The following ZNF365 variants were observed in gnomAD, a reference collection of about 807,000 sequenced individuals.
The protein encoded by ZNF365 is zinc finger protein 365.
Under a neutral mutation model 35.0 loss-of-function variants are expected in ZNF365, and 22 were observed. That is an observed-to-expected ratio of 0.63 (90% CI 0.45 to 0.90). The LOEUF (loss-of-function observed/expected upper bound fraction) is 0.90, where lower values mean the gene tolerates loss of function less well. Ranked by LOEUF, ZNF365 falls within the 40% of genes least tolerant of loss-of-function variation. The pLI, the probability that ZNF365 is intolerant of heterozygous loss-of-function variation, is 0.00. For missense variants in ZNF365, 448 were observed against 500.3 expected (o/e 0.90, Z 1.00); for synonymous variants, 188 against 196.2 (o/e 0.96, Z 0.35).
rs1045275143 is a variant in ZNF365, at chr10:62,392,288, G to T, written c.924+3712G>T. 3.3e-5 allele frequency among the ~76,000 whole-genome samples: 5 copies of T among 152,068 alleles called. No homozygotes were observed. In the East Asian group the frequency reaches 9.6e-4, roughly 29 times the overall value. ...TTTGTTTTTGTTGCATTTGCTTTTG[G>T]GTTCTTGGTCATGAAGTCTTTGCCT... is the stretch of plus-strand genomic sequence containing the variant. On this transcript the variant is annotated intron_variant, in intron 3 of 4. Transcript: ENST00000395254.
At chr10:62,420,082 A>G (rs1294672761) in intron 3 of ZNF365, among the ~76,000 whole-genome samples, 1 of 152,170 alleles carries the variant, frequency 6.6e-6, no homozygotes, top group African/African-American at 2.4e-5. Context: ...TTATTTTATA[A>G]CATTAAATAA....
At chr10:62,450,822 C>T (rs1840671218) in intron 3 of ZNF365, among the ~76,000 whole-genome samples, 3 of 152,200 alleles carry the variant, frequency 2.0e-5, no homozygotes, top group African/African-American at 7.2e-5. Context: ...TTAACATTTC[C>T]TGGATATTGT....
At chr10:62,464,254 T>A (rs1044465667) in intron 4 of ZNF365, among the ~76,000 whole-genome samples, 1 of 152,226 alleles carries the variant, frequency 6.6e-6, no homozygotes, top group East Asian at 1.9e-4. Context: ...ATTGTAAATA[T>A]GATTTTTCTC....
At chr10:62,409,554 G>A (rs1455178969) in intron 3 of ZNF365, among the ~76,000 whole-genome samples, 2 of 152,116 alleles carry the variant, frequency 1.3e-5, no homozygotes, top group Non-Finnish European at 2.9e-5. Flanking sequence ...GGGCTGTAAT[G>A]AAGTGGTCAT....
At chr10:62,378,220 C>T (rs1464116872) in intron 2 of ZNF365, among the ~76,000 whole-genome samples, 1 of 152,078 alleles carries the variant, frequency 6.6e-6, no homozygotes. Flanking sequence ...CAGAGTGACC[C>T]GCACTGTGCT....
At chr10:62,395,941 A>C (rs1839719731) in intron 3 of ZNF365, among the ~76,000 whole-genome samples, 1 of 152,174 alleles carries the variant, frequency 6.6e-6, no homozygotes. Context: ...TTTGATCCTC[A>C]TCTTAACATC....
At chr10:62,398,074 G>A (rs939380367) in intron 3 of ZNF365, among the ~76,000 whole-genome samples, 10 of 152,112 alleles carry the variant, frequency 6.6e-5, no homozygotes, top group African/African-American at 2.2e-4. Context: ...ACTACTGTTC[G>A]ATCCAGCAAT....
intron 3 of ZNF365, among the ~76,000 whole-genome samples, chr10:62,422,305 C>A (rs10761634): frequency 1.3e-5 from 2 of 151,902 alleles, no homozygotes; most frequent in African/African-American, 2.4e-5. Context: ...GAATATAAGT[C>A]GCTATGCCTT....
chr10:62,420,544 C>T (rs1012580161), intron 3 of ZNF365, among the ~76,000 whole-genome samples: 5 of 152,128 alleles, frequency 3.3e-5, no homozygotes, highest in African/African-American at 1.2e-4. Context: ...GCCCATATAA[C>T]TGCAAAGAAG....
At chr10:62,458,575 A>T (rs1418176713) in intron 3 of ZNF365, among the ~76,000 whole-genome samples, 3 of 152,096 alleles carry the variant, frequency 2.0e-5, no homozygotes, top group Admixed American at 6.6e-5. Flanking sequence ...TTAAAACAAC[A>T]TTAGATTTTG....
At position 62,464,919 on chromosome 10, in the gene ZNF365, G is replaced by A. The variant is rs1450486648; in HGVS notation, c.981+5122G>A. On this transcript the variant is annotated intron_variant, in intron 4 of 4. Coordinates refer to the ZNF365 transcript ENST00000395255. Reference sequence around the variant, plus strand: ...GCAAGGGAGGCGCAGCCAGAGCTGTGCACTCTGCAGCACCAGCAGGGGCCG... The same window carrying A: ...GCAAGGGAGGCGCAGCCAGAGCTGTACACTCTGCAGCACCAGCAGGGGCCG... Among the ~76,000 whole-genome samples the A allele has an allele frequency of 2.0e-5, 3 of 152,242 alleles. No homozygotes were observed. The East Asian group carries it at 5.8e-4, about 29-fold the overall frequency.
At chr10:62,448,133 C>T (rs1482031980) in intron 3 of ZNF365, among the ~76,000 whole-genome samples, 2 of 152,218 alleles carry the variant, frequency 1.3e-5, no homozygotes, top group East Asian at 1.9e-4. Flanking sequence ...ATATTATACA[C>T]ATCTCCATAA....
In ZNF365 at chr10:62,399,532, C is replaced by T. The variant is rs758825538; in HGVS notation, c.967C>T (p.Arg323Ter). 50 of 1,613,754 alleles carry T rather than the reference C, an allele frequency of 3.1e-5. No individual in the cohort carries two copies. Among genetic ancestry groups the T allele is most frequent in the Non-Finnish European group, 4.0e-5 (47 of 1,179,880 alleles). ...CCCCCCTCCAACCCTCTGTAGAAGCCGAGGGCACCCGCATTCGGTATGTAA... is the reference window on the plus strand; with the variant it reads ...CCCCCCTCCAACCCTCTGTAGAAGCTGAGGGCACCCGCATTCGGTATGTAA... ...SSNRKPKCLS[R>*]GHPHSVCNHP... The change falls in exon 5 of 5, where the codon CGA (arginine) becomes TGA (stop). Residue 323 changes from arginine (R) to a stop codon, truncating the protein, a stop_gained. Coordinates refer to ENST00000395254, the MANE Select transcript of ZNF365 (RefSeq NM_014951.3). LOFTEE classifies it high-confidence loss of function.
chr10:62,429,432 G>T (rs963912250), intron 3 of ZNF365, among the ~76,000 whole-genome samples: 7 of 152,168 alleles, frequency 4.6e-5, no homozygotes, highest in Non-Finnish European at 8.8e-5. Flanking sequence ...TCAGAATTGC[G>T]AAGACTTTAC....
Position 62,479,585 on chromosome 10 carries a change from A to G in ZNF365, c.982-291A>G, listed in dbSNP as rs972677398. Among the ~76,000 whole-genome samples the G allele has an allele frequency of 2.6e-4, 39 of 152,322 alleles. 1 individual carries two copies. The highest frequency in any genetic ancestry group is 9.4e-4 in the African/African-American group (39 of 41,580). ...GGTGCTATTAATAATTACTTCAGGA[A>G]ATGGATAAAAACAGAGACTGTTCTA... is the stretch of plus-strand genomic sequence containing the variant. On this transcript the variant is annotated intron_variant, in intron 4 of 4. Coordinates refer to the ZNF365 transcript ENST00000395255.
chr10:62,381,057 G>T (rs1361619535), intron 2 of ZNF365, among the ~76,000 whole-genome samples: 1 of 152,096 alleles, frequency 6.6e-6, no homozygotes, highest in East Asian at 1.9e-4. Context: ...AAGAATAAGG[G>T]ATACTCAGGA....
intron 3 of ZNF365, among the ~76,000 whole-genome samples, chr10:62,447,945 C>T (rs927363364): frequency 4.6e-5 from 7 of 152,254 alleles, no homozygotes; most frequent in African/African-American, 1.7e-4. Context: ...TGCCCCTAAC[C>T]TTTTATTATG....
chr10:62,399,464 A>T, intron 4 of ZNF365, 64 bp from the exon 5 acceptor site: 2 of 1,576,360 alleles, frequency 1.3e-6, no homozygotes, highest in Non-Finnish European at 1.7e-6. Context: ...TATTCTTTTA[A>T]GGTTTTAAAG....
At chr10:62,473,587 T>G (rs1400740190) in intron 4 of ZNF365, among the ~76,000 whole-genome samples, 1 of 142,610 alleles carries the variant, frequency 7.0e-6, no homozygotes, top group African/African-American at 2.5e-5. Context: ...AAGTTCTTCA[T>G]CTGGGAAATG....
Sources: allele counts gnomAD v4.1 joint callset (sites outside exome capture counted in the v4.1 genomes callset), GRCh38; gene constraint gnomAD v4.1.1; transcripts MANE v1.5; gene names NCBI Gene and HGNC (gene_info 2026-07-23, HGNC 2026-07-21).